The following UBAP2L variants were observed in gnomAD, a reference collection of about 807,000 sequenced individuals.
UBAP2L encodes ubiquitin associated protein 2 like.
In UBAP2L, 12 loss-of-function variants were observed where a neutral mutation model predicts 130.6. The observed-to-expected ratio is 0.09, with a 90% CI of 0.06 to 0.15. The LOEUF is 0.15. Among genes scored for constraint, UBAP2L ranks in the 10% least tolerant of loss-of-function variants. UBAP2L has a pLI of 1.00. For synonymous variants in UBAP2L, 503 were observed against 524.7 expected (o/e 0.96, Z 0.57); for missense variants, 965 against 1,332.5 (o/e 0.72, Z 4.29).
intron 11 of UBAP2L, among the ~76,000 whole-genome samples, chr1:154,246,945 A>C (rs1458024628): frequency 6.6e-6 from 1 of 152,216 alleles, no homozygotes; most frequent in African/African-American, 2.4e-5. Context: ...TATTATAAAT[A>C]ACTTAGAACT....
At chr1:154,220,720 G>A (rs996458881), upstream of UBAP2L, 39 of 393,246 alleles carry the variant, frequency 9.9e-5, no homozygotes, top group African/African-American at 7.0e-4. Context: ...ACGTGGTGGA[G>A]GCAGGGCCGC....
Position 154,255,284 on chromosome 1 carries a change from A to G in UBAP2L, c.2042A>G (p.His681Arg), listed in dbSNP as rs773573977. The change falls in exon 17 of 27, where the codon CAC becomes CGC. Residue 681 changes from histidine (H) to arginine (R), a missense_variant. Physicochemically the swap from His to Arg is conservative, Grantham distance 29 (BLOSUM62 0). Coordinates refer to ENST00000428931, the MANE Select transcript of UBAP2L (RefSeq NM_014847.4). ...QHSSSLGGLS[H>R]SEEIPNTTTT... ...TCATCCTCCTTGGGTGGCTTGAGCC[A>G]CAGTGAGGAGATTCCAAATACTACC... 6.2e-7 allele frequency: 1 copy of G among 1,614,202 alleles called. No homozygotes were observed. The highest frequency in any genetic ancestry group is 1.1e-5 in the South Asian group (1 of 91,086).
Position 154,251,213 on chromosome 1 carries a change from G to A in UBAP2L, c.1386G>A (p.Ser462=), listed in dbSNP as rs1214663164. Residue 462 remains serine (S), a synonymous_variant, in exon 13 of 27, where the codon TCG becomes TCA. Transcript: ENST00000428931. Reference sequence around the variant, plus strand: ...CTCCTCTGCCAAGCAAATCCACATCGGCTCCACAGATGTCGCCTGGATCTT... The same window carrying A: ...CTCCTCTGCCAAGCAAATCCACATCAGCTCCACAGATGTCGCCTGGATCTT... ...PSSPLPSKST[S]APQMSPGSSD... is the part of the protein sequence containing the mutation. 5 of 1,614,040 alleles carry A rather than the reference G, an allele frequency of 3.1e-6. No homozygotes were observed. The highest frequency in any genetic ancestry group is 4.5e-5 in the East Asian group (2 of 44,874).
chr1:154,263,124 A>C, intron 24 of UBAP2L: 1 of 1,551,906 alleles, frequency 6.4e-7, no homozygotes. Flanking sequence ...CCACCCCCTT[A>C]CAAGCATTTC....
intron 4 of UBAP2L, among the ~76,000 whole-genome samples, chr1:154,231,723 T>A (rs1464620430): frequency 6.6e-6 from 1 of 152,330 alleles, no homozygotes; most frequent in East Asian, 1.9e-4. Context: ...TCGTCCATAT[T>A]GTGGCATGGG....
chr1:154,221,170 C>T (rs1450734824), intron 1 of UBAP2L, 195 bp downstream of exon 1: 2 of 151,898 alleles, frequency 1.3e-5, no homozygotes, highest in East Asian at 2.0e-4. Flanking sequence ...ACACCCCCCC[C>T]CGAGTCATGC....
intron 8 of UBAP2L, among the ~76,000 whole-genome samples, chr1:154,238,259 G>A (rs142537507): frequency 2.0e-5 from 3 of 152,258 alleles, no homozygotes; most frequent in African/African-American, 4.8e-5. Flanking sequence ...TACAAGATAG[G>A]TATCTTTGAA....
At chr1:154,257,597 A>G in intron 20 of UBAP2L, 163 bp downstream of exon 20, 1 of 696,336 alleles carries the variant, frequency 1.4e-6, no homozygotes, top group Non-Finnish European at 2.4e-6. Flanking sequence ...GCATTCTGTA[A>G]ATGTGGCCGT....
chr1:154,220,187 A>G (rs1372560457), upstream of UBAP2L: 5 of 976,822 alleles, frequency 5.1e-6, no homozygotes, highest in African/African-American at 1.6e-5. Flanking sequence ...GGCCCGACTA[A>G]GTGACTTAAA....
chr1:154,245,718 A>G (rs965376077), intron 10 of UBAP2L, among the ~76,000 whole-genome samples: 1 of 152,054 alleles, frequency 6.6e-6, no homozygotes, highest in Non-Finnish European at 1.5e-5. Context: ...GATTGAGACC[A>G]TCCTGGCTAA....
chr1:154,248,493 A>G (rs1054878762), intron 11 of UBAP2L, among the ~76,000 whole-genome samples: 2 of 152,090 alleles, frequency 1.3e-5, no homozygotes, highest in Non-Finnish European at 2.9e-5. Context: ...AAAATCTTAT[A>G]TTACATTTAT....
upstream of UBAP2L, chr1:154,220,288 G>C: frequency 6.3e-7 from 1 of 1,596,086 alleles, no homozygotes; most frequent in East Asian, 2.2e-5. Context: ...TCAAAAGGAG[G>C]GTCTCTACTG....
chr1:154,267,464 T>C (rs1175402655), intron 25 of UBAP2L, among the ~76,000 whole-genome samples: 1 of 151,552 alleles, frequency 6.6e-6, no homozygotes, highest in Non-Finnish European at 1.5e-5. Flanking sequence ...AGTTACTATT[T>C]TTGTAAGGAA....
chr1:154,236,142 A>G (rs1671597149), intron 6 of UBAP2L, among the ~76,000 whole-genome samples: 1 of 152,182 alleles, frequency 6.6e-6, no homozygotes, highest in South Asian at 2.1e-4. Flanking sequence ...TGGGACAGAG[A>G]GAAAGAACAT....
intron 20 of UBAP2L, chr1:154,257,919 G>A (rs1433586103): frequency 6.5e-6 from 1 of 154,282 alleles, no homozygotes; most frequent in Non-Finnish European, 1.4e-5. Context: ...GAAGCCAAAG[G>A]CCAGAATGTT....
At chr1:154,233,707 C>T (rs1670680466) in intron 4 of UBAP2L, among the ~76,000 whole-genome samples, 1 of 150,702 alleles carries the variant, frequency 6.6e-6, no homozygotes, top group African/African-American at 2.5e-5. Flanking sequence ...AGTTGTTTTC[C>T]TCCTAAATTT....
At chr1:154,267,026 C>T (rs1193536042) in intron 25 of UBAP2L, among the ~76,000 whole-genome samples, 1 of 152,092 alleles carries the variant, frequency 6.6e-6, no homozygotes, top group South Asian at 2.1e-4. Context: ...CTTTTATCCC[C>T]CATCACCATA....
chr1:154,270,711 A>G lies in UBAP2L; in HGVS notation c.*416A>G, dbSNP rs1684561639. The stretch of plus-strand genomic sequence containing the variant: ...AACAACAACAACAACAAACAAAAAA[A>G]TGGCGTCATGAATATGAACAGCATT... On this transcript the variant is annotated 3_prime_UTR_variant, in exon 27 of 27. Coordinates refer to ENST00000428931, the MANE Select transcript of UBAP2L (RefSeq NM_014847.4). 1 of 1,411,500 alleles carries G rather than the reference A, an allele frequency of 7.1e-7. No homozygotes were observed. The highest frequency in any genetic ancestry group is 3.0e-5 in the Admixed American group (1 of 33,062). 87.4% of individuals were successfully genotyped at this position (1,411,500 alleles called of 1,614,324 possible). A position where few individuals can be genotyped will look rare whatever the true frequency, so the allele number is the denominator to read the frequency against.
At chr1:154,260,540 G>A (rs2220390) in intron 22 of UBAP2L, among the ~76,000 whole-genome samples, 91,129 of 151,932 alleles carry the variant, frequency 0.6, 27,921 homozygotes, top group East Asian at 0.96. Flanking sequence ...CTGATCCATC[G>A]TTGTCCTTCA....
Sources: gnomAD v4.1 joint callset for allele counts (sites outside exome capture counted in the v4.1 genomes callset) on GRCh38, gnomAD v4.1.1 for gene constraint, MANE v1.5 for transcripts, NCBI Gene and HGNC (gene_info 2026-07-23, HGNC 2026-07-21) for gene names.